EYA2: variants seen among roughly 807,000 people sequenced by gnomAD.
EYA2 encodes the protein EYA transcriptional coactivator and phosphatase 2.
Under a neutral mutation model 69.2 loss-of-function variants are expected in EYA2, and 31 were observed. The ratio of observed to expected loss-of-function variants is 0.45; its 90% CI spans 0.34 to 0.60. The LOEUF (loss-of-function observed/expected upper bound fraction) is 0.60, where lower values mean the gene tolerates loss of function less well. EYA2 is among the 20% of genes least tolerant of loss of function. The probability of loss-of-function intolerance (pLI) is 0.02; values close to 1 mark genes in which losing one functional copy is unlikely to be tolerated. For missense variants in EYA2, 622 were observed against 701.2 expected (o/e 0.89, Z 1.28); for synonymous variants, 257 against 279.4 (o/e 0.92, Z 0.80).
chr20:47,013,133 A>G (rs764033619), intron 4 of EYA2, among the ~76,000 whole-genome samples: 4 of 152,160 alleles, frequency 2.6e-5, no homozygotes, highest in Non-Finnish European at 5.9e-5. Flanking sequence ...AGCACCTACT[A>G]TGTGCAAGAC....
intron 1 of EYA2, among the ~76,000 whole-genome samples, chr20:46,989,655 T>C (rs1447293681): frequency 6.6e-6 from 1 of 152,232 alleles, no homozygotes; most frequent in Non-Finnish European, 1.5e-5. Context: ...CCTCTCTGCC[T>C]GTCTGTCTCT....
At chr20:46,996,880 T>C in intron 2 of EYA2, among the ~76,000 whole-genome samples, 1 of 149,260 alleles carries the variant, frequency 6.7e-6, no homozygotes, top group Middle Eastern at 3.2e-3. Context: ...GGGTGGCAAG[T>C]GCGAAACTCG....
chr20:47,153,495 AC>A (rs906557913), intron 10 of EYA2, among the ~76,000 whole-genome samples: 4 of 151,790 alleles, frequency 2.6e-5, no homozygotes, highest in Non-Finnish European at 4.4e-5. Context: ...ACAAAAAAAA[AC>A]AAAACAAAAT....
intron 5 of EYA2, among the ~76,000 whole-genome samples, chr20:47,046,830 G>A (rs1009871152): frequency 6.6e-6 from 1 of 152,118 alleles, no homozygotes; most frequent in East Asian, 1.9e-4. Flanking sequence ...ATCTGGGAAG[G>A]GTTCTGACAG....
At chr20:47,104,148 T>G (rs1382949579) in intron 9 of EYA2, among the ~76,000 whole-genome samples, 2 of 152,202 alleles carry the variant, frequency 1.3e-5, no homozygotes, top group African/African-American at 2.4e-5. Flanking sequence ...TATGAAGTGG[T>G]ATCTCATTGT....
At chr20:46,925,318 A>T (rs745979419) in intron 1 of EYA2, among the ~76,000 whole-genome samples, 5 of 152,250 alleles carry the variant, frequency 3.3e-5, no homozygotes, top group Non-Finnish European at 7.3e-5. Flanking sequence ...CTAGGAAAGA[A>T]AAGATTCATG....
intron 7 of EYA2, among the ~76,000 whole-genome samples, chr20:47,075,505 A>G (rs2031483708): frequency 6.6e-6 from 1 of 152,120 alleles, no homozygotes; most frequent in Non-Finnish European, 1.5e-5. Flanking sequence ...TGCACTGGCC[A>G]TACACAGCCA....
chr20:47,069,530 A>G (rs2031235295), intron 5 of EYA2, among the ~76,000 whole-genome samples: 2 of 152,144 alleles, frequency 1.3e-5, no homozygotes, highest in South Asian at 4.1e-4. Flanking sequence ...TAAGGATAGG[A>G]TGGAATTGGT....
rs534059267 is a variant in EYA2 at position 47,078,317 on chromosome 20, G to A, written c.661+3982G>A. ...AGCATATGTGTGTGCACATGTGCAC[G>A]TGCGCGCGCGCGCGCACACACACAC... On this transcript the variant is annotated intron_variant, in intron 7 of 15. Transcript: ENST00000327619. 8.6e-5 allele frequency among the ~76,000 whole-genome samples: 6 copies of A among 69,492 alleles called. No individual in the cohort carries two copies. The East Asian group carries it at 1.2e-3, about 14-fold the overall frequency. 45.6% of individuals were successfully genotyped at this position (69,492 alleles called of 152,430 possible).
Position 47,172,754 on chromosome 20 carries a change from C to G in EYA2, c.1085C>G (p.Ala362Gly), listed in dbSNP as rs2034348180. 6.2e-7 allele frequency: 1 copy of G among 1,614,090 alleles called. No homozygotes were observed. Among genetic ancestry groups the G allele is most frequent in the Non-Finnish European group, 8.5e-7 (1 of 1,179,996 alleles). ...ADGFHSSAPGANLCLGSGVHG... is the reference protein window; with the variant it reads ...ADGFHSSAPGGNLCLGSGVHG... The stretch of plus-strand genomic sequence containing the variant: ...GGCTTCCACAGTTCGGCCCCAGGAG[C>G]CAACCTGTGCCTGGGCTCTGGCGTG... Residue 362 changes from alanine to glycine, a missense_variant, in exon 12 of 16, where the codon GCC becomes GGC. Around this residue, in one of 2 missense-constraint regions of EYA2, gnomAD observed 257 missense variants for 351.5 expected, o/e 0.73. Transcript: ENST00000327619.
intron 1 of EYA2, among the ~76,000 whole-genome samples, chr20:46,914,334 G>A (rs759462200): frequency 7.2e-5 from 11 of 152,186 alleles, no homozygotes; most frequent in South Asian, 2.1e-4. Flanking sequence ...AGATTCTACC[G>A]CTTGATGGCT....
At chr20:47,088,856 T>C (rs1198274101) in intron 7 of EYA2, among the ~76,000 whole-genome samples, 1 of 152,220 alleles carries the variant, frequency 6.6e-6, no homozygotes, top group Admixed American at 6.5e-5. Flanking sequence ...ATTACAGGCG[T>C]AAGCCCCCAC....
chr20:46,898,796 T>C (rs537317288), intron 1 of EYA2, among the ~76,000 whole-genome samples: 129 of 152,288 alleles, frequency 8.5e-4, no homozygotes, highest in African/African-American at 3.0e-3. Flanking sequence ...CTTTACGGCG[T>C]GTGATTTAAA....
intron 1 of EYA2, among the ~76,000 whole-genome samples, chr20:46,900,301 T>C (rs563353775): frequency 6.6e-6 from 1 of 152,374 alleles, no homozygotes; most frequent in East Asian, 1.9e-4. Flanking sequence ...AACTTACTTT[T>C]GTCTCGCGTC....
rs1568707249 is a variant in EYA2, at chr20:46,987,999, G to GATATATATATAT, written c.-10-2002_-10-2001insATATATATATAT. 1.6e-3 allele frequency among the ~76,000 whole-genome samples: 60 copies of GATATATATATAT among 37,082 alleles called. 1 individual carries two copies. Among genetic ancestry groups the GATATATATATAT allele is most frequent in the Admixed American group, 2.4e-3 (8 of 3,386 alleles). 24.3% of individuals were successfully genotyped at this position (37,082 alleles called of 152,430 possible). A position where few individuals can be genotyped will look rare whatever the true frequency, so the allele number is the denominator to read the frequency against. ...ATATATATATATATATATATATATG[G>GATATATATATAT]GGCAAAAAAAAAATACAGAATAAAA... On this transcript the variant is annotated intron_variant, in intron 1 of 15. Transcript: ENST00000327619.
intron 9 of EYA2, among the ~76,000 whole-genome samples, chr20:47,129,583 A>G (rs561719484): frequency 2.0e-5 from 3 of 152,352 alleles, no homozygotes; most frequent in South Asian, 2.1e-4. Flanking sequence ...GGCCAGGGGA[A>G]GCCAGTGGGT....
intron 1 of EYA2, among the ~76,000 whole-genome samples, chr20:46,954,768 A>G (rs1979015509): frequency 6.6e-6 from 1 of 152,132 alleles, no homozygotes; most frequent in East Asian, 1.9e-4. Context: ...GTTCATGTCA[A>G]CCCTGAGCTG....
At chr20:46,976,670 C>A (rs1270707561) in intron 1 of EYA2, among the ~76,000 whole-genome samples, 1 of 152,226 alleles carries the variant, frequency 6.6e-6, no homozygotes, top group African/African-American at 2.4e-5. Context: ...CAGGCGTGAG[C>A]CACCATGCCC....
intron 1 of EYA2, among the ~76,000 whole-genome samples, chr20:46,951,426 C>G (rs1978785404): frequency 6.6e-6 from 1 of 152,170 alleles, no homozygotes; most frequent in Non-Finnish European, 1.5e-5. Context: ...TGAATTAACC[C>G]CTTCCTGCTT....
Sources: allele counts gnomAD v4.1 joint callset (sites outside exome capture counted in the v4.1 genomes callset), GRCh38; gene constraint gnomAD v4.1.1; regional missense constraint gnomAD v4.1.1; transcripts MANE v1.5; gene names NCBI Gene and HGNC (gene_info 2026-07-23, HGNC 2026-07-21).